The following TENM2 variants were observed in gnomAD, a reference collection of about 807,000 sequenced individuals.
The protein encoded by TENM2 is teneurin-2.
Under a neutral mutation model 245.2 loss-of-function variants are expected in TENM2, and 52 were observed. That is an observed-to-expected ratio of 0.21 (90% confidence interval 0.17 to 0.27). TENM2 has a LOEUF of 0.27. Among genes scored for constraint, TENM2 ranks in the 10% least tolerant of loss-of-function variants. The probability of loss-of-function intolerance (pLI) is 1.00; values close to 1 mark genes in which losing one functional copy is unlikely to be tolerated. For synonymous variants in TENM2, 1,363 were observed against 1,438.9 expected (o/e 0.95, Z 1.19); for missense variants, 3,046 against 3,666.8 (o/e 0.83, Z 4.37).
the TENM2 span, chr5:167,168,282 A>C: frequency 1.3e-5 from 2 of 152,236 alleles, no homozygotes; most frequent in Non-Finnish European, 2.9e-5. Flanking sequence ...TTAATGCACA[A>C]AATACAGTCC....
chr5:168,260,350 CA>C lies in TENM2; in HGVS notation c.7504del (p.Met2502CysfsTer80). Reference sequence around the variant, plus strand: ...ACATCATTCCTGGCTTCCCGAGAGCCAAAATGTATTTCGTGCCTCCTCCCTA... The same window carrying C: ...ACATCATTCCTGGCTTCCCGAGAGCCAAATGTATTTCGTGCCTCCTCCCTA... On this transcript the variant is annotated frameshift_variant, in exon 28 of 29. Transcript: ENST00000518659. LOFTEE classifies it high-confidence loss of function. The C allele has an allele frequency of 6.2e-7, 1 of 1,613,922 alleles. No individual in the cohort carries two copies. The highest frequency in any genetic ancestry group is 8.5e-7 in the Non-Finnish European group (1 of 1,179,836).
At chr5:167,629,367 C>T (rs1778718079) in intron 2 of TENM2, among the ~76,000 whole-genome samples, 1 of 152,140 alleles carries the variant, frequency 6.6e-6, no homozygotes, top group Non-Finnish European at 1.5e-5. Flanking sequence ...TGAGATAATC[C>T]ATGATAAACT....
At chr5:168,100,127 C>T (rs1793688314) in intron 9 of TENM2, among the ~76,000 whole-genome samples, 1 of 152,170 alleles carries the variant, frequency 6.6e-6, no homozygotes, top group Non-Finnish European at 1.5e-5. Context: ...AGATTTTGGG[C>T]TGAGACGATG....
chr5:167,286,637 A>C (rs2127712593), intron 1 of TENM2, among the ~76,000 whole-genome samples: 1 of 152,284 alleles, frequency 6.6e-6, no homozygotes. Flanking sequence ...TTTCTGCTGT[A>C]GTTTTTGTCT....
the TENM2 span, among the ~76,000 whole-genome samples, chr5:167,188,328 G>C: frequency 1.3e-5 from 2 of 152,174 alleles, no homozygotes; most frequent in Non-Finnish European, 2.9e-5. Context: ...GCTGGAAAGG[G>C]CTGCATGACT....
In TENM2 at chr5:167,331,445, C is replaced by A. The variant is rs552904747; in HGVS notation, c.227-43753C>A. Reference sequence around the variant, plus strand: ...AGTGCCTATGAGATTATGATCATGGCCCTTTAACTGCCCTCAACGCATGAA... The same window carrying A: ...AGTGCCTATGAGATTATGATCATGGACCTTTAACTGCCCTCAACGCATGAA... On this transcript the variant is annotated intron_variant, in intron 1 of 28. Transcript: ENST00000518659. 7.9e-5 allele frequency among the ~76,000 whole-genome samples: 12 copies of A among 152,186 alleles called. No individual in the cohort carries two copies. In the South Asian group the frequency reaches 2.3e-3, roughly 29 times the overall value.
intron 2 of TENM2, among the ~76,000 whole-genome samples, chr5:167,802,806 A>G (rs111236858): frequency 2.0e-5 from 3 of 152,168 alleles, no homozygotes; most frequent in African/African-American, 7.2e-5. Flanking sequence ...GAGTAAGTGT[A>G]GGTGCATTGT....
chr5:167,151,668 G>A, the TENM2 span, among the ~76,000 whole-genome samples: 31 of 152,046 alleles, frequency 2.0e-4, no homozygotes, highest in East Asian at 3.1e-3. Flanking sequence ...ACAGGCACCC[G>A]CCACCCTGCC....
intron 3 of TENM2, among the ~76,000 whole-genome samples, chr5:167,880,584 C>A (rs1773799206): frequency 6.6e-6 from 1 of 152,126 alleles, no homozygotes; most frequent in Non-Finnish European, 1.5e-5. Flanking sequence ...GGAATCCTCA[C>A]AATGAGGCCA....
At chr5:167,344,312 A>ATC (rs1470395163) in intron 1 of TENM2, among the ~76,000 whole-genome samples, 9 of 67,444 alleles carry the variant, frequency 1.3e-4, no homozygotes, top group African/African-American at 2.9e-4. Flanking sequence ...ACACACACAT[A>ATC]TATATATATA....
At chr5:167,793,158 T>A (rs896777526) in intron 2 of TENM2, among the ~76,000 whole-genome samples, 8 of 152,164 alleles carry the variant, frequency 5.3e-5, no homozygotes, top group African/African-American at 1.7e-4. Flanking sequence ...TCACCTTCAC[T>A]TCTGAGGTAG....
At chr5:167,573,068 G>A (rs1298262219) in intron 2 of TENM2, among the ~76,000 whole-genome samples, 1 of 105,668 alleles carries the variant, frequency 9.5e-6, no homozygotes, top group African/African-American at 2.6e-5. Flanking sequence ...TTTGGTGTGG[G>A]CTCTTTTTTT....
chr5:167,849,096 A>G (rs1388623449), intron 2 of TENM2, among the ~76,000 whole-genome samples: 10 of 152,188 alleles, frequency 6.6e-5, no homozygotes, highest in African/African-American at 2.4e-4. Context: ...ACATGACAGC[A>G]TTTCTTCTGG....
intron 2 of TENM2, among the ~76,000 whole-genome samples, chr5:167,804,084 C>T (rs1242768020): frequency 6.6e-6 from 1 of 152,018 alleles, no homozygotes; most frequent in Non-Finnish European, 1.5e-5. Flanking sequence ...GGGTGTAATG[C>T]AAATACTCCA....
intron 4 of TENM2, chr5:167,965,230 G>A (rs1396162964): frequency 5.3e-5 from 8 of 152,140 alleles, no homozygotes; most frequent in Admixed American, 5.2e-4. Flanking sequence ...AGAAGGAACA[G>A]GTTTTTGTGG....
intron 1 of TENM2, among the ~76,000 whole-genome samples, chr5:167,329,793 T>C (rs1205899913): frequency 2.0e-5 from 3 of 152,118 alleles, no homozygotes; most frequent in African/African-American, 7.2e-5. Flanking sequence ...ATAGAAATTA[T>C]GAGTTCTTGC....
chr5:167,801,109 A>AATATATATATATATAT (rs869282464), intron 2 of TENM2, among the ~76,000 whole-genome samples: 4 of 66,554 alleles, frequency 6.0e-5, no homozygotes, highest in Non-Finnish European at 1.1e-4. Flanking sequence ...AAAAAAAAAA[A>AATATATATATATATAT]ATATATATAT....
chr5:167,372,399 C>T (rs1275535745), intron 1 of TENM2, among the ~76,000 whole-genome samples: 1 of 152,132 alleles, frequency 6.6e-6, no homozygotes, highest in Non-Finnish European at 1.5e-5. Context: ...AAAGAAGGGG[C>T]ACTGTGTGTA....
the TENM2 span, among the ~76,000 whole-genome samples, chr5:167,017,983 T>C: frequency 1.3e-5 from 2 of 152,162 alleles, no homozygotes; most frequent in Non-Finnish European, 2.9e-5. Context: ...TGTCAACATA[T>C]GATTATCAGG....
Sources: gnomAD v4.1 joint callset for allele counts (sites outside exome capture counted in the v4.1 genomes callset) on GRCh38, gnomAD v4.1.1 for gene constraint, MANE v1.5 for transcripts, NCBI Gene and HGNC (gene_info 2026-07-23, HGNC 2026-07-21) for gene names.